Variants in RCOR3 observed in about 807,000 individuals in gnomAD.
RCOR3 encodes the protein REST corepressor 3.
Under a neutral mutation model 64.1 loss-of-function variants are expected in RCOR3, and 13 were observed. The observed-to-expected ratio is 0.20, with a 90% CI of 0.13 to 0.32. RCOR3 has a LOEUF of 0.32. RCOR3 is among the 10% of genes least tolerant of loss of function. The pLI, the probability that RCOR3 is intolerant of heterozygous loss-of-function variation, is 1.00. For synonymous variants in RCOR3, 215 were observed against 239.0 expected (o/e 0.90, Z 0.93); for missense variants, 489 against 701.2 (o/e 0.70, Z 3.42).
intron 7 of RCOR3, among the ~76,000 whole-genome samples, chr1:211,288,008 G>A (rs542612691): frequency 2.3e-4 from 35 of 151,996 alleles, no homozygotes; most frequent in African/African-American, 8.2e-4. Flanking sequence ...CTAGGAGTTT[G>A]AGACCAGCCT....
At chr1:211,275,959 A>G (rs1442080602) in intron 4 of RCOR3, among the ~76,000 whole-genome samples, 1 of 152,028 alleles carries the variant, frequency 6.6e-6, no homozygotes, top group East Asian at 1.9e-4. Flanking sequence ...TGTGGGTTAA[A>G]CTCTTGGTGT....
At chr1:211,297,625 A>T (rs1699971699) in intron 9 of RCOR3, among the ~76,000 whole-genome samples, 1 of 152,130 alleles carries the variant, frequency 6.6e-6, no homozygotes, top group South Asian at 2.1e-4. Flanking sequence ...AATAACCAAA[A>T]TGTTAACACT....
chr1:211,290,374 C>T (rs1014105229), intron 8 of RCOR3, among the ~76,000 whole-genome samples: 2 of 152,198 alleles, frequency 1.3e-5, no homozygotes, highest in Non-Finnish European at 1.5e-5. Flanking sequence ...TTATCCCTTT[C>T]CCAACACATG....
intron 10 of RCOR3, 90 bp downstream of exon 10, chr1:211,304,230 T>A (rs1263458973): frequency 3.2e-6 from 3 of 947,758 alleles, no homozygotes. Context: ...CCTTTAGAAA[T>A]TGATCAAGAA....
chr1:211,316,086 C>T lies in RCOR3; in HGVS notation c.*2318C>T, dbSNP rs928455010. On this transcript the variant is annotated 3_prime_UTR_variant, in exon 12 of 12. Coordinates refer to ENST00000419091, the MANE Select transcript of RCOR3 (RefSeq NM_001136223.3). ...TTTAGTACCTCTTCACTGTGAAATTCGAAATAATGATTTTTATAAAAGCAA... is the reference window on the plus strand; with the variant it reads ...TTTAGTACCTCTTCACTGTGAAATTTGAAATAATGATTTTTATAAAAGCAA... The T allele has an allele frequency of 4.6e-5, 7 of 151,986 alleles. No homozygotes were observed. Among genetic ancestry groups the T allele is most frequent in the African/African-American group, 9.7e-5 (4 of 41,368 alleles). The allele number at this position is 151,986 out of a possible 1,614,324, so 9.4% of individuals were successfully genotyped here. A position where few individuals can be genotyped will look rare whatever the true frequency, so the allele number is the denominator to read the frequency against.
intron 10 of RCOR3, among the ~76,000 whole-genome samples, chr1:211,309,644 T>C (rs1440283760): frequency 6.6e-6 from 1 of 152,234 alleles, no homozygotes; most frequent in African/African-American, 2.4e-5. Context: ...GGTTCAAGCA[T>C]ACCTTTTACA....
chr1:211,296,230 A>G (rs1469826363), intron 9 of RCOR3, among the ~76,000 whole-genome samples: 2 of 152,166 alleles, frequency 1.3e-5, no homozygotes, highest in Non-Finnish European at 2.9e-5. Context: ...GTGGACTTAC[A>G]TTCTTGTACT....
chr1:211,281,607 TC>T, intron 7 of RCOR3, among the ~76,000 whole-genome samples: 1 of 152,284 alleles, frequency 6.6e-6, no homozygotes, highest in East Asian at 1.9e-4. Context: ...TCCTTACCCT[TC>T]CCCATTTATT....
intron 9 of RCOR3, among the ~76,000 whole-genome samples, chr1:211,298,493 AC>A (rs1002382829): frequency 6.6e-6 from 1 of 152,222 alleles, no homozygotes; most frequent in African/African-American, 2.4e-5. Flanking sequence ...TTCCCTGAGC[AC>A]TTATTATGTG....
At chr1:211,273,978 GTA>G (rs1259563627) in intron 3 of RCOR3, among the ~76,000 whole-genome samples, 16 of 152,092 alleles carry the variant, frequency 1.1e-4, no homozygotes, top group African/African-American at 2.9e-4. Context: ...AATTTAGTAA[GTA>G]TAATGTGTAG....
At chr1:211,274,838 A>G (rs893202940) in intron 4 of RCOR3, among the ~76,000 whole-genome samples, 5 of 151,850 alleles carry the variant, frequency 3.3e-5, no homozygotes, top group Non-Finnish European at 7.4e-5. Context: ...TAAAAATTGT[A>G]ACAAAATCAA....
In RCOR3 at chr1:211,260,268, T is replaced by C. The variant is rs529696898; in HGVS notation, c.223+104T>C. On this transcript the variant is annotated intron_variant, in intron 2 of 11. Transcript: ENST00000419091. Reference sequence around the variant, plus strand: ...CATGGGGCCGGGAGGGGATGCGGGGTTGGGCTGGGCAGGCATCCGTGGCGG... The same window carrying C: ...CATGGGGCCGGGAGGGGATGCGGGGCTGGGCTGGGCAGGCATCCGTGGCGG... The C allele has an allele frequency of 1.0e-3, 1,074 of 1,057,220 alleles. 6 individuals carry two copies. The African/African-American group carries it at 0.015, about 15-fold the overall frequency. The allele number at this position is 1,057,220 out of a possible 1,614,324, so 65.5% of individuals were successfully genotyped here.
chr1:211,287,832 C>A (rs61851024), intron 7 of RCOR3, among the ~76,000 whole-genome samples: 7,835 of 152,094 alleles, frequency 0.052, 285 homozygotes, highest in South Asian at 0.11. Context: ...GAGCCGAGAT[C>A]GTGCCACTGC....
At chr1:211,273,364 T>C (rs1303088429) in intron 3 of RCOR3, among the ~76,000 whole-genome samples, 1 of 152,110 alleles carries the variant, frequency 6.6e-6, no homozygotes, top group East Asian at 1.9e-4. Flanking sequence ...AAAATAGCAA[T>C]AAGCCGATAA....
At chr1:211,310,678 A>C (rs560229081) in intron 10 of RCOR3, among the ~76,000 whole-genome samples, 78 of 152,218 alleles carry the variant, frequency 5.1e-4, no homozygotes, top group Non-Finnish European at 8.8e-4. Flanking sequence ...GAAGATCAAA[A>C]GGAGTATAGT....
chr1:211,280,857 G>A (rs956150011), intron 7 of RCOR3, among the ~76,000 whole-genome samples: 7 of 152,078 alleles, frequency 4.6e-5, no homozygotes, highest in African/African-American at 1.7e-4. Context: ...GGTGGCACAT[G>A]CCTGTAATCC....
At chr1:211,265,667 C>T (rs773571049) in intron 2 of RCOR3, among the ~76,000 whole-genome samples, 5 of 152,030 alleles carry the variant, frequency 3.3e-5, no homozygotes, top group East Asian at 1.9e-4. Flanking sequence ...TGGAGTGAGC[C>T]GAGATTGCAC....
At chr1:211,308,673 G>GTTTTTTTTTTTTTTTTTTTT (rs545513442) in intron 10 of RCOR3, among the ~76,000 whole-genome samples, 9 of 40,480 alleles carry the variant, frequency 2.2e-4, no homozygotes, top group Admixed American at 6.2e-4. Context: ...TTTTTTTTTT[G>GTTTTTTTTTTTTTTTTTTTT]TTTTTTTTTT....
chr1:211,302,236 A>G (rs1207452162), intron 9 of RCOR3: 3 of 152,216 alleles, frequency 2.0e-5, no homozygotes, highest in Admixed American at 1.3e-4. Flanking sequence ...TGCTAATACA[A>G]TGCAAATACA....
Sources: allele counts gnomAD v4.1 joint callset (sites outside exome capture counted in the v4.1 genomes callset), GRCh38; gene constraint gnomAD v4.1.1; transcripts MANE v1.5; gene names NCBI Gene and HGNC (gene_info 2026-07-23, HGNC 2026-07-21).